The following IQSEC2 variants were observed in gnomAD, a reference collection of about 807,000 sequenced individuals.
The protein encoded by IQSEC2 is IQ motif and SEC7 domain-containing protein 2.
In IQSEC2, 6 loss-of-function variants were observed where a neutral mutation model predicts 74.6. The observed-to-expected ratio is 0.08, with a 90% CI of 0.04 to 0.16. The LOEUF (loss-of-function observed/expected upper bound fraction) is 0.16, where lower values mean the gene tolerates loss of function less well. IQSEC2 is among the 10% of genes least tolerant of loss of function. IQSEC2 has a pLI of 1.00. For missense variants in IQSEC2, 734 were observed against 1,306.2 expected (o/e 0.56, Z 6.75); for synonymous variants, 494 against 544.5 (o/e 0.91, Z 1.29).
Position 53,254,760 on chromosome X carries a change from G to T in IQSEC2, c.1171C>A (p.Gln391Lys), listed in dbSNP as rs2074441863. 2 of 1,204,974 alleles carry T rather than the reference G, an allele frequency of 1.7e-6. No homozygotes were observed. The highest frequency in any genetic ancestry group is 2.2e-6 in the Non-Finnish European group (2 of 891,800). The change falls in exon 4 of 15, where the codon CAG becomes AAG. Residue 391 changes from glutamine (Q) to lysine (K), a missense_variant. Gln to Lys is a moderately conservative substitution (Grantham distance 53, BLOSUM62 1). Transcript: ENST00000642864. ...RRIILSNMRM[Q>K]FSFEEYEKAQ... ...TTCTCATACTCCTCAAAGGAGAACT[G>T]CATCCGCATGTTGGAAAGGATGATG...
intron 2 of IQSEC2, among the ~76,000 whole-genome samples, chrX:53,283,733 T>C (rs1365524874): frequency 8.9e-6 from 1 of 111,920 alleles, no homozygotes; most frequent in Non-Finnish European, 1.9e-5. Flanking sequence ...GGCAGGGCCT[T>C]CATGCATTTA....
Position 53,282,061 on chromosome X carries a change from G to C in IQSEC2, c.737+9834C>G, listed in dbSNP as rs186919079. 5.9e-3 allele frequency among the ~76,000 whole-genome samples: 658 copies of C among 112,160 alleles called. 3 individuals are homozygous for C. The highest frequency in any genetic ancestry group is 9.6e-3 in the Non-Finnish European group (510 of 53,151). ...GAGACTATGTTTAGGAGTTGTTCTG[G>C]GACTCTGCATATTAAGTGCAATTCA... On this transcript the variant is annotated intron_variant, in intron 2 of 14. Transcript: ENST00000642864.
chrX:53,318,941 G>T (rs986805363), intron 1 of IQSEC2, among the ~76,000 whole-genome samples: 4 of 112,884 alleles, frequency 3.5e-5, no homozygotes, highest in Admixed American at 1.9e-4. Flanking sequence ...GACTGAGCTC[G>T]CAGCAGCCCT....
At chrX:53,308,742 T>C (rs1435582920) in intron 1 of IQSEC2, among the ~76,000 whole-genome samples, 1 of 109,819 alleles carries the variant, frequency 9.1e-6, no homozygotes, top group Non-Finnish European at 1.9e-5. Flanking sequence ...CAGTTTAAAA[T>C]AGTACTTAAT....
chrX:53,279,509 T>C, intron 2 of IQSEC2: 1 of 747,287 alleles, frequency 1.3e-6, no homozygotes, highest in Non-Finnish European at 2.1e-6. Flanking sequence ...GCAATGACAC[T>C]GTATATTTGT....
intron 1 of IQSEC2, among the ~76,000 whole-genome samples, chrX:53,302,843 G>A (rs1218807763): frequency 9.0e-6 from 1 of 110,975 alleles, no homozygotes; most frequent in Non-Finnish European, 1.9e-5. Context: ...AGGTTAAAGT[G>A]AGAGGATTGC....
At chrX:53,287,252 T>A (rs2075042507) in intron 2 of IQSEC2, among the ~76,000 whole-genome samples, 1 of 111,654 alleles carries the variant, frequency 9.0e-6, no homozygotes, top group Admixed American at 9.5e-5. Flanking sequence ...CTAAGACAAG[T>A]GAAAATTGGG....
chrX:53,295,681 G>C (rs2075145263), intron 1 of IQSEC2, among the ~76,000 whole-genome samples: 1 of 108,145 alleles, frequency 9.2e-6, no homozygotes, highest in African/African-American at 3.4e-5. Flanking sequence ...GAAAGTTCCT[G>C]AACCTTTTGG....
intron 1 of IQSEC2, among the ~76,000 whole-genome samples, chrX:53,319,314 CAT>C (rs1344202750): frequency 8.9e-6 from 1 of 112,073 alleles, no homozygotes; most frequent in Non-Finnish European, 1.9e-5. Context: ...CTGGATTAAA[CAT>C]AGAACCATCA....
At chrX:53,247,163 A>T (rs782152955) in intron 7 of IQSEC2, 28 bp from the exon 8 acceptor site, 4 of 1,194,807 alleles carry the variant, frequency 3.3e-6, no homozygotes, top group East Asian at 6.0e-5. Context: ...TCAAAGCCAG[A>T]CTCAGGAACC....
intron 1 of IQSEC2, among the ~76,000 whole-genome samples, chrX:53,307,798 GAGGCTGA>G (rs1308216740): frequency 1.9e-5 from 2 of 106,381 alleles, no homozygotes; most frequent in African/African-American, 6.9e-5. Context: ...AGCTATTCGG[GAGGCTGA>G]GGCAGGAGAA....
chrX:53,254,521 G>T lies in IQSEC2; in HGVS notation c.1401+9C>A, dbSNP rs782325053. 1.7e-6 allele frequency: 2 copies of T among 1,192,789 alleles called. No individual in the cohort carries two copies. The highest frequency in any genetic ancestry group is 1.1e-6 in the Non-Finnish European group (1 of 887,552). Reference sequence around the variant, plus strand: ...ATGGGGAAGAAAGGTCCTTTTCAGGGATCCTGACCTGTTTGGAGAAGGAGT... The same window carrying T: ...ATGGGGAAGAAAGGTCCTTTTCAGGTATCCTGACCTGTTTGGAGAAGGAGT... On this transcript the variant is annotated intron_variant, in intron 4 of 14. Transcript: ENST00000642864.
downstream of IQSEC2, chrX:53,229,158 T>A: frequency 8.9e-6 from 1 of 112,021 alleles, no homozygotes; most frequent in Non-Finnish European, 1.9e-5. Flanking sequence ...GGTTTCTAAA[T>A]GTCATTCTCT....
chrX:53,239,528 C>G (rs782259117), intron 10 of IQSEC2: 1 of 363,236 alleles, frequency 2.8e-6, no homozygotes, highest in East Asian at 4.9e-5. Flanking sequence ...TACCACATTT[C>G]CAGAAACTAA....
chrX:53,272,249 A>T (rs1189453915), intron 2 of IQSEC2, among the ~76,000 whole-genome samples: 1 of 110,658 alleles, frequency 9.0e-6, no homozygotes, highest in Non-Finnish European at 1.9e-5. Context: ...TCCCTGAGTG[A>T]CTGGGAACTC....
intron 2 of IQSEC2, chrX:53,266,915 G>T: frequency 9.1e-7 from 1 of 1,095,087 alleles, no homozygotes; most frequent in African/African-American, 1.9e-5. Context: ...GGAAGGAGGG[G>T]CTGGTTAAGG....
chrX:53,273,944 A>C (rs2074781427), intron 2 of IQSEC2, among the ~76,000 whole-genome samples: 1 of 112,875 alleles, frequency 8.9e-6, no homozygotes, highest in South Asian at 3.6e-4. Flanking sequence ...TAAGATTCTT[A>C]AAAGTTGAAC....
chrX:53,260,789 C>T (rs2074557218), intron 2 of IQSEC2, among the ~76,000 whole-genome samples: 1 of 111,704 alleles, frequency 9.0e-6, no homozygotes, highest in African/African-American at 3.3e-5. Context: ...AGGCAGGCAC[C>T]ATTAGCCTCA....
rs1409468197 is a variant in IQSEC2 at position 53,266,891 on chromosome X, G to C, written c.738-10830C>G. 2.6e-5 allele frequency: 15 copies of C among 569,748 alleles called. No homozygotes were observed. The Admixed American group carries it at 2.9e-4, about 11-fold the overall frequency. 47.0% of individuals were successfully genotyped at this position (569,748 alleles called of 1,213,427 possible). A position where few individuals can be genotyped will look rare whatever the true frequency, so the allele number is the denominator to read the frequency against. On this transcript the variant is annotated intron_variant, in intron 2 of 14. Coordinates refer to ENST00000642864, the MANE Select transcript of IQSEC2 (RefSeq NM_001111125.3). ...CAGGGTCCCATGGGGGAATCTGCGGGGGGGTGGGTGGGGGGAAGGAGGGGC... is the reference window on the plus strand; with the variant it reads ...CAGGGTCCCATGGGGGAATCTGCGGCGGGGTGGGTGGGGGGAAGGAGGGGC...
Sources: gnomAD v4.1 joint callset for allele counts (sites outside exome capture counted in the v4.1 genomes callset) on GRCh38, gnomAD v4.1.1 for gene constraint, MANE v1.5 for transcripts, NCBI Gene and HGNC (gene_info 2026-07-23, HGNC 2026-07-21) for gene names.